The following C1orf54 variants were observed in gnomAD, a reference collection of about 807,000 sequenced individuals.
C1orf54 encodes uncharacterized protein C1orf54.
In C1orf54, 12 loss-of-function variants were observed where a neutral mutation model predicts 14.7. The ratio of observed to expected loss-of-function variants is 0.82; its 90% CI spans 0.52 to 1.32. The LOEUF is 1.32. Ranked by LOEUF, C1orf54 falls within the 40% of genes most tolerant of loss-of-function variation. The pLI is 0.00. For synonymous variants in C1orf54, 65 were observed against 56.3 expected (o/e 1.16, Z -0.70); for missense variants, 163 against 162.2 (o/e 1.00, Z -0.03).
upstream of C1orf54, chr1:150,272,358 G>A (rs1652266845): frequency 1.2e-5 from 2 of 166,050 alleles, no homozygotes; most frequent in African/African-American, 4.8e-5. Context: ...CATTTCCACT[G>A]TGACGAAAAG....
At chr1:150,278,422 T>A (rs868981859) in intron 4 of C1orf54, among the ~76,000 whole-genome samples, 50 of 152,292 alleles carry the variant, frequency 3.3e-4, no homozygotes, top group Middle Eastern at 6.8e-3. Flanking sequence ...GCTGAGTTTA[T>A]GGTGACAGCC....
In C1orf54 at chr1:150,276,662, G is replaced by C. The variant is rs1315936303; in HGVS notation, c.300+30G>C. On this transcript the variant is annotated intron_variant, in intron 4 of 5. Coordinates refer to ENST00000369099, the MANE Select transcript of C1orf54 (RefSeq NM_024579.4). The stretch of plus-strand genomic sequence containing the variant: ...GTTGATTGGGGATTGGGGGCTGGGG[G>C]GAGACAGGACATCCCTAGTGACGTG... 1.9e-6 allele frequency: 3 copies of C among 1,557,416 alleles called. No individual in the cohort carries two copies. In the African/African-American group the frequency reaches 4.1e-5, roughly 21 times the overall value.
chr1:150,279,794 C>A, intron 5 of C1orf54, 53 bp downstream of exon 5: 2 of 1,431,998 alleles, frequency 1.4e-6, no homozygotes, highest in Non-Finnish European at 1.9e-6. Context: ...TATTTTTTAA[C>A]TTCCCACACT....
At chr1:150,269,755 T>G (rs1319108117), upstream of C1orf54, among the ~76,000 whole-genome samples, 3 of 151,954 alleles carry the variant, frequency 2.0e-5, no homozygotes, top group African/African-American at 7.3e-5. Context: ...GGGTTGTATA[T>G]TAGAGTGAAT....
upstream of C1orf54, chr1:150,269,090 A>G (rs1484282796): frequency 2.4e-5 from 9 of 377,166 alleles, no homozygotes; most frequent in Admixed American, 3.8e-5. Context: ...ATGGAGAATC[A>G]GCGCGGGCGG....
chr1:150,270,616 C>A (rs1652129340), upstream of C1orf54, among the ~76,000 whole-genome samples: 1 of 151,860 alleles, frequency 6.6e-6, no homozygotes, highest in African/African-American at 2.4e-5. Context: ...GCACTCCAAC[C>A]TGGGCGACAG....
intron 2 of C1orf54, 96 bp from the exon 3 acceptor site, chr1:150,275,645 A>C (rs1652589265): frequency 2.1e-6 from 2 of 949,032 alleles, no homozygotes; most frequent in South Asian, 1.7e-5. Context: ...GTTACAACTT[A>C]AGTTAAACTA....
chr1:150,277,958 G>A (rs1331308727), intron 4 of C1orf54, among the ~76,000 whole-genome samples: 3 of 152,210 alleles, frequency 2.0e-5, no homozygotes, highest in African/African-American at 7.2e-5. Flanking sequence ...TTAGCTGGGT[G>A]TGGTGGCACA....
rs587678807 is a variant in C1orf54 at position 150,277,788 on chromosome 1, C to T, written c.300+1156C>T. ...TAAGTTCTTCATTATGGTAAAAACA[C>T]GATGAAAAGTGATATTTTAGAAAAA... On this transcript the variant is annotated intron_variant, in intron 4 of 5. Coordinates refer to ENST00000369099, the MANE Select transcript of C1orf54 (RefSeq NM_024579.4). 1.4e-4 allele frequency among the ~76,000 whole-genome samples: 21 copies of T among 152,198 alleles called. No homozygotes were observed. The East Asian group carries it at 3.1e-3, about 22-fold the overall frequency.
upstream of C1orf54, chr1:150,269,600 G>A (rs587606076): frequency 1.3e-5 from 2 of 152,264 alleles, no homozygotes; most frequent in Non-Finnish European, 2.9e-5. Flanking sequence ...AAAGAGTCCG[G>A]GAGTTTAAAA....
intron 1 of C1orf54, 97 bp from the exon 2 acceptor site, chr1:150,273,990 G>A (rs1284787274): frequency 1.3e-6 from 1 of 771,272 alleles, no homozygotes; most frequent in Non-Finnish European, 2.2e-6. Context: ...AAGAAAGAAA[G>A]AGCAAGAAAG....
At chr1:150,274,260 G>C (rs1032007186) in intron 2 of C1orf54, 90 bp downstream of exon 2, 34 of 973,478 alleles carry the variant, frequency 3.5e-5, no homozygotes, top group Admixed American at 1.8e-4. Context: ...CTTTGAAGCA[G>C]AGCAATGGGG....
chr1:150,270,994 T>TTA (rs1572095353), upstream of C1orf54, among the ~76,000 whole-genome samples: 1 of 8,108 alleles, frequency 1.2e-4, no homozygotes, highest in African/African-American at 5.4e-4. Flanking sequence ...AGACTCCGTC[T>TTA]CAAAAAAAAA....
Position 150,272,863 on chromosome 1 carries a change from G to A in C1orf54, c.46G>A (p.Gly16Arg), listed in dbSNP as rs781977742. 2 of 1,614,100 alleles carry A rather than the reference G, an allele frequency of 1.2e-6. No homozygotes were observed. The highest frequency in any genetic ancestry group is 1.1e-5 in the South Asian group (1 of 91,082). ...CATCTTTGCTGTGCCACTTATCCTG[G>A]GTAAGTCCACTCCTCTCTCTGAGCT... ...VAIFAVPLILGQEYEDEERLG... is the reference protein window; with the variant it reads ...VAIFAVPLILRQEYEDEERLG... The change falls in exon 1 of 6, where the codon GGA becomes AGA. Residue 16 changes from glycine (G) to arginine (R), a missense_variant and splice_region_variant. Coordinates refer to ENST00000369099, the MANE Select transcript of C1orf54 (RefSeq NM_024579.4).
At position 150,278,053 on chromosome 1, in the gene C1orf54, C is replaced by T. The variant is rs587627866; in HGVS notation, c.300+1421C>T. On this transcript the variant is annotated intron_variant, in intron 4 of 5. Transcript: ENST00000369099. ...CGGAGGTTGCAGTGAGCCGAAATCG[C>T]GCTATTGCACTCCAGCCTGGGAAAC... 1.1e-4 allele frequency among the ~76,000 whole-genome samples: 16 copies of T among 152,054 alleles called. No individual in the cohort carries two copies. The South Asian group carries it at 2.1e-3, about 20-fold the overall frequency.
chr1:150,268,772 C>A, upstream of C1orf54: 1 of 1,613,766 alleles, frequency 6.2e-7, no homozygotes, highest in Non-Finnish European at 8.5e-7. Context: ...CCGGGCCGAA[C>A]GCGACGAAAG....
At chr1:150,268,833 G>A (rs782339645), upstream of C1orf54, 24 of 1,597,494 alleles carry the variant, frequency 1.5e-5, no homozygotes, top group South Asian at 2.2e-5. Flanking sequence ...GGGAAGGGGG[G>A]TGGGGGCCTG....
intron 2 of C1orf54, among the ~76,000 whole-genome samples, 166 bp downstream of exon 2, chr1:150,274,336 C>T (rs1468238888): frequency 2.0e-5 from 3 of 152,144 alleles, no homozygotes; most frequent in Non-Finnish European, 4.4e-5. Context: ...CGTGGTGGCT[C>T]ACACCTGTAA....
In C1orf54 at chr1:150,276,434, G is replaced by T. The variant is rs587708459; in HGVS notation, c.190-88G>T. The T allele has an allele frequency of 1.0e-5, 11 of 1,061,868 alleles. No homozygotes were observed. The East Asian group carries it at 2.4e-4, about 23-fold the overall frequency. 65.8% of individuals were successfully genotyped at this position (1,061,868 alleles called of 1,614,324 possible). On this transcript the variant is annotated intron_variant, in intron 3 of 5. Coordinates refer to ENST00000369099, the MANE Select transcript of C1orf54 (RefSeq NM_024579.4). ...AGTCTTTGGGCTGGGTGGAGGTGGT[G>T]AAGGGGAGAACTTTAAGTAGAGAAT...
Sources: gnomAD v4.1 joint callset for allele counts (sites outside exome capture counted in the v4.1 genomes callset) on GRCh38, gnomAD v4.1.1 for gene constraint, MANE v1.5 for transcripts, NCBI Gene and HGNC (gene_info 2026-07-23, HGNC 2026-07-21) for gene names.